VPS13B: variants seen among roughly 807,000 people sequenced by gnomAD.
The protein encoded by VPS13B is vacuolar protein sorting 13 homolog B.
Under a neutral mutation model 426.4 loss-of-function variants are expected in VPS13B, and 285 were observed. The observed-to-expected ratio is 0.67, with a 90% CI of 0.61 to 0.74. The LOEUF (loss-of-function observed/expected upper bound fraction) is 0.74. Ranked by LOEUF, VPS13B falls within the 30% of genes least tolerant of loss-of-function variation. The pLI is 0.00. For missense variants in VPS13B, 4,537 were observed against 4,782.6 expected (o/e 0.95, Z 1.51); for synonymous variants, 1,676 against 1,676.4 (o/e 1.00, Z 0.01).
intron 23 of VPS13B, among the ~76,000 whole-genome samples, chr8:99,450,071 G>A (rs1818114716): frequency 1.3e-5 from 2 of 152,146 alleles, no homozygotes; most frequent in Admixed American, 1.3e-4. Context: ...CCAAAGTGCT[G>A]GGATTACAGG....
chr8:99,311,655 G>A (rs914166714), intron 19 of VPS13B, among the ~76,000 whole-genome samples: 43 of 152,196 alleles, frequency 2.8e-4, no homozygotes, highest in African/African-American at 1.0e-3. Flanking sequence ...TGTTGATTTG[G>A]GGTAGAGAGT....
At chr8:99,536,804 T>A (rs1298054685) in intron 30 of VPS13B, 2 of 523,304 alleles carry the variant, frequency 3.8e-6, no homozygotes. Context: ...AGACACAACC[T>A]CAGTGTTTCC....
In VPS13B at chr8:99,138,314, A is replaced by G. The variant is rs558589193; in HGVS notation, c.1651+1562A>G. Among the ~76,000 whole-genome samples the G allele has an allele frequency of 2.6e-5, 4 of 152,202 alleles. No homozygotes were observed. The East Asian group carries it at 7.7e-4, about 29-fold the overall frequency. ...GCTAATTTTTGTATTTTTAGTAGAGATGGGGTTTGGCCATGTTGGCCAGGC... is the reference window on the plus strand; with the variant it reads ...GCTAATTTTTGTATTTTTAGTAGAGGTGGGGTTTGGCCATGTTGGCCAGGC... On this transcript the variant is annotated intron_variant, in intron 12 of 61. Transcript: ENST00000357162.
At chr8:99,659,462 A>G (rs1830141588) in intron 34 of VPS13B, among the ~76,000 whole-genome samples, 1 of 151,998 alleles carries the variant, frequency 6.6e-6, no homozygotes, top group Non-Finnish European at 1.5e-5. Context: ...GTGGTCATAT[A>G]TGTCAGCCCT....
intron 17 of VPS13B, among the ~76,000 whole-genome samples, chr8:99,254,962 A>G (rs916362752): frequency 6.6e-6 from 1 of 151,296 alleles, no homozygotes; most frequent in African/African-American, 2.4e-5. Flanking sequence ...TCATCTTTTT[A>G]TTTTTCTTGT....
intron 19 of VPS13B, among the ~76,000 whole-genome samples, chr8:99,300,990 G>A (rs1323077320): frequency 2.0e-5 from 3 of 151,350 alleles, no homozygotes; most frequent in South Asian, 2.1e-4. Flanking sequence ...TTGGTGGGTG[G>A]CTCGCTTGAG....
At chr8:99,353,823 G>C (rs1812032175) in intron 19 of VPS13B, among the ~76,000 whole-genome samples, 1 of 152,044 alleles carries the variant, frequency 6.6e-6, no homozygotes, top group Non-Finnish European at 1.5e-5. Context: ...TCACTGACTT[G>C]TAGCAGTAAA....
chr8:99,205,474 A>G (rs759601256), intron 17 of VPS13B, among the ~76,000 whole-genome samples: 25 of 152,270 alleles, frequency 1.6e-4, no homozygotes, highest in Non-Finnish European at 3.5e-4. Flanking sequence ...TGCATGTTCT[A>G]CACATGTATC....
intron 40 of VPS13B, among the ~76,000 whole-genome samples, chr8:99,770,926 C>T (rs1811456778): frequency 1.3e-5 from 2 of 152,124 alleles, no homozygotes. Flanking sequence ...ACTAACCCTG[C>T]GAGGAACAAA....
At chr8:99,273,251 C>T (rs941302554) in intron 17 of VPS13B, among the ~76,000 whole-genome samples, 8 of 151,532 alleles carry the variant, frequency 5.3e-5, no homozygotes, top group African/African-American at 1.2e-4. Flanking sequence ...CTCTGCCTCC[C>T]GGGTTCAGGT....
chr8:99,363,748 T>C (rs1200908089), intron 19 of VPS13B, among the ~76,000 whole-genome samples: 1 of 152,208 alleles, frequency 6.6e-6, no homozygotes, highest in Non-Finnish European at 1.5e-5. Flanking sequence ...GGTTACTTTC[T>C]TGATTTCTTT....
At chr8:99,514,646 T>C (rs1217266176) in intron 29 of VPS13B, among the ~76,000 whole-genome samples, 1 of 152,256 alleles carries the variant, frequency 6.6e-6, no homozygotes, top group Non-Finnish European at 1.5e-5. Context: ...AATATTGTTT[T>C]GTATGGATAT....
At chr8:99,064,457 A>G (rs938336026) in intron 3 of VPS13B, among the ~76,000 whole-genome samples, 4 of 152,206 alleles carry the variant, frequency 2.6e-5, no homozygotes, top group Non-Finnish European at 5.9e-5. Context: ...ACTATGTGAA[A>G]TATGCACAAG....
At chr8:99,825,800 T>G (rs988883661) in intron 51 of VPS13B, among the ~76,000 whole-genome samples, 7 of 152,236 alleles carry the variant, frequency 4.6e-5, no homozygotes, top group African/African-American at 1.7e-4. Context: ...CTAGCGAGTT[T>G]TCCCAACACC....
At chr8:99,607,337 G>A (rs1031638014) in intron 33 of VPS13B, among the ~76,000 whole-genome samples, 1 of 152,100 alleles carries the variant, frequency 6.6e-6, no homozygotes, top group Non-Finnish European at 1.5e-5. Flanking sequence ...AATGACCAAT[G>A]GTAGTTTATC....
intron 58 of VPS13B, 32 bp downstream of exon 58, chr8:99,861,978 T>C: frequency 6.4e-7 from 1 of 1,553,844 alleles, no homozygotes; most frequent in Non-Finnish European, 8.7e-7. Context: ...CACCTGTCTG[T>C]ACTCCAGCAG....
chr8:99,533,439 A>G (rs1243353884), intron 30 of VPS13B, among the ~76,000 whole-genome samples: 2 of 152,196 alleles, frequency 1.3e-5, no homozygotes, highest in Non-Finnish European at 2.9e-5. Flanking sequence ...TGTTATGTAT[A>G]TACTCTTGAC....
chr8:99,304,342 G>T lies in VPS13B; in HGVS notation c.2824+29088G>T, dbSNP rs535513960. Among the ~76,000 whole-genome samples the T allele has an allele frequency of 8.6e-5, 13 of 151,716 alleles. No homozygotes were observed. In the South Asian group the frequency reaches 2.7e-3, roughly 32 times the overall value. On this transcript the variant is annotated intron_variant, in intron 19 of 61. Transcript: ENST00000357162. ...GAGAGGATAATCAGGGATTAGGAAAGAAAATTTTAAAGAAATTCATATTTT... is the reference window on the plus strand; with the variant it reads ...GAGAGGATAATCAGGGATTAGGAAATAAAATTTTAAAGAAATTCATATTTT...
Position 99,819,905 on chromosome 8 carries a change from G to T in VPS13B, c.8793-16G>T. The T allele has an allele frequency of 6.2e-7, 1 of 1,613,584 alleles. No individual in the cohort carries two copies. Among genetic ancestry groups the T allele is most frequent in the Non-Finnish European group, 8.5e-7 (1 of 1,179,590 alleles). ...TCATATTTCATTGAGTCTCTTGGAT[G>T]TGGTTTTTGGAACAGGAATGAACAG... On this transcript the variant is annotated splice_polypyrimidine_tract_variant and intron_variant, in intron 48 of 61. Coordinates refer to ENST00000357162, the MANE Select transcript of VPS13B (RefSeq NM_152564.5).
Sources: allele counts gnomAD v4.1 joint callset (sites outside exome capture counted in the v4.1 genomes callset), GRCh38; gene constraint gnomAD v4.1.1; transcripts MANE v1.5; gene names NCBI Gene and HGNC (gene_info 2026-07-23, HGNC 2026-07-21).